IGSF21: variants seen among roughly 807,000 people sequenced by gnomAD.
IGSF21 encodes the protein immunoglobin superfamily member 21.
IGSF21 carries 28 observed loss-of-function variants against 46.8 expected under a neutral mutation model. The ratio of observed to expected loss-of-function variants is 0.60; its 90% CI spans 0.44 to 0.82. The LOEUF is 0.82. Among genes scored for constraint, IGSF21 ranks in the 40% least tolerant of loss-of-function variants. The probability of loss-of-function intolerance (pLI) is 0.00; values close to 1 mark genes in which losing one functional copy is unlikely to be tolerated. For missense variants in IGSF21, 624 were observed against 665.5 expected, an observed-to-expected ratio of 0.94 and a Z score of 0.69; for synonymous variants, 284 against 273.6, an observed-to-expected ratio of 1.04 and a Z score of -0.38.
intron 2 of IGSF21, among the ~76,000 whole-genome samples, chr1:18,273,992 G>T (rs932880001): frequency 2.0e-5 from 3 of 152,108 alleles, no homozygotes; most frequent in Non-Finnish European, 4.4e-5. Flanking sequence ...GAAATCACTC[G>T]GCCTCTCTGG....
At chr1:18,292,909 A>T (rs2085280750) in intron 3 of IGSF21, among the ~76,000 whole-genome samples, 2 of 152,266 alleles carry the variant, frequency 1.3e-5, no homozygotes, top group South Asian at 4.1e-4. Context: ...TCCACGCCAC[A>T]CCGCCAAATG....
At chr1:18,344,435 G>T (rs2085872734) in intron 4 of IGSF21, among the ~76,000 whole-genome samples, 1 of 152,178 alleles carries the variant, frequency 6.6e-6, no homozygotes, top group Non-Finnish European at 1.5e-5. Flanking sequence ...CTCCAAGTGA[G>T]CTAAGGAGAT....
At chr1:18,218,485 T>C (rs960759414) in intron 1 of IGSF21, among the ~76,000 whole-genome samples, 15 of 152,252 alleles carry the variant, frequency 9.9e-5, no homozygotes, top group Non-Finnish European at 1.8e-4. Context: ...AAGACAAGCC[T>C]CATTTCATCT....
At chr1:18,318,848 T>C (rs1569801322) in intron 3 of IGSF21, among the ~76,000 whole-genome samples, 3 of 152,202 alleles carry the variant, frequency 2.0e-5, no homozygotes, top group East Asian at 3.9e-4. Context: ...CAAACAAATC[T>C]ATACGTTTGG....
At chr1:18,218,688 A>G (rs539565920) in intron 1 of IGSF21, among the ~76,000 whole-genome samples, 8 of 152,344 alleles carry the variant, frequency 5.3e-5, no homozygotes, top group Admixed American at 2.0e-4. Context: ...AAATCACTTG[A>G]TACACACACA....
chr1:18,329,494 T>C (rs2085691560), intron 3 of IGSF21, among the ~76,000 whole-genome samples: 1 of 152,156 alleles, frequency 6.6e-6, no homozygotes. Context: ...TGATACTCCT[T>C]GAGCACCTAC....
In IGSF21 at chr1:18,238,957, G is replaced by A. The variant is rs138884064; in HGVS notation, c.183+10947G>A. Among the ~76,000 whole-genome samples the A allele has an allele frequency of 2.4e-4, 37 of 152,228 alleles. No individual in the cohort carries two copies. In the East Asian group the frequency reaches 6.2e-3, roughly 25 times the overall value. On this transcript the variant is annotated intron_variant, in intron 2 of 9. Transcript: ENST00000251296. ...ACCTTGCGGTCAACCTCCCCACCCC[G>A]CTATCTTTTCCCCAGAAGACTCAGA...
At chr1:18,374,927 C>T (rs532640218) in intron 6 of IGSF21, among the ~76,000 whole-genome samples, 2 of 152,280 alleles carry the variant, frequency 1.3e-5, no homozygotes, top group African/African-American at 2.4e-5. Flanking sequence ...CCCCTTCCTC[C>T]GGCCCTGGAA....
At chr1:18,344,297 T>C (rs2085871467) in intron 4 of IGSF21, among the ~76,000 whole-genome samples, 1 of 152,194 alleles carries the variant, frequency 6.6e-6, no homozygotes, top group South Asian at 2.1e-4. Context: ...GCCTCCCTAG[T>C]AGCTGGGACT....
intron 1 of IGSF21, chr1:18,113,640 A>G (rs1423325541): frequency 8.3e-6 from 1 of 120,818 alleles, no homozygotes; most frequent in African/African-American, 3.3e-5. Context: ...ATTGCATGAC[A>G]TCTTGGTGGG....
At chr1:18,242,716 G>A (rs2084744078) in intron 2 of IGSF21, among the ~76,000 whole-genome samples, 1 of 152,146 alleles carries the variant, frequency 6.6e-6, no homozygotes, top group African/African-American at 2.4e-5. Flanking sequence ...CTGTTCTTTG[G>A]AGACAGAGAA....
chr1:18,348,853 G>T (rs1485759059), intron 4 of IGSF21, among the ~76,000 whole-genome samples: 3 of 152,154 alleles, frequency 2.0e-5, no homozygotes, highest in Non-Finnish European at 4.4e-5. Context: ...CTGCCAACTT[G>T]CAGTGAATCC....
At chr1:18,126,827 G>A (rs929615659) in intron 1 of IGSF21, among the ~76,000 whole-genome samples, 3 of 151,790 alleles carry the variant, frequency 2.0e-5, no homozygotes, top group African/African-American at 4.8e-5. Context: ...CTCCAGAGCC[G>A]ACAGCTGCCA....
At chr1:18,338,826 G>A (rs566028170) in intron 4 of IGSF21, among the ~76,000 whole-genome samples, 115 of 151,952 alleles carry the variant, frequency 7.6e-4, no homozygotes, top group African/African-American at 2.0e-3. Context: ...TGAAAGTTGC[G>A]TGCTGGGCCC....
chr1:18,108,344 A>G, intron 1 of IGSF21, 146 bp downstream of exon 1: 1 of 824,304 alleles, frequency 1.2e-6, no homozygotes, highest in Non-Finnish European at 1.6e-6. Context: ...GGTTGGCTCG[A>G]TGAGGGAGGG....
At chr1:18,259,490 G>A (rs2084920883) in intron 2 of IGSF21, among the ~76,000 whole-genome samples, 1 of 152,168 alleles carries the variant, frequency 6.6e-6, no homozygotes, top group Admixed American at 6.5e-5. Context: ...CACTGGGTTT[G>A]GCCTCCATAA....
At chr1:18,136,383 T>C (rs1300399169) in intron 1 of IGSF21, among the ~76,000 whole-genome samples, 2 of 152,278 alleles carry the variant, frequency 1.3e-5, no homozygotes, top group South Asian at 2.1e-4. Flanking sequence ...AGGGTTTTTA[T>C]GGTTTTAGGT....
chr1:18,342,131 TC>T (rs1308269075), intron 4 of IGSF21, among the ~76,000 whole-genome samples: 1 of 151,878 alleles, frequency 6.6e-6, no homozygotes, highest in Non-Finnish European at 1.5e-5. Flanking sequence ...TCTTGCTCTG[TC>T]CCCCAGGCTG....
At chr1:18,220,052 T>C (rs970375617) in intron 1 of IGSF21, among the ~76,000 whole-genome samples, 3 of 152,208 alleles carry the variant, frequency 2.0e-5, no homozygotes, top group Non-Finnish European at 4.4e-5. Context: ...CTGAGTCTGC[T>C]GGTTCTGGCA....
Sources: allele counts gnomAD v4.1 joint callset (sites outside exome capture counted in the v4.1 genomes callset), GRCh38; gene constraint gnomAD v4.1.1; transcripts MANE v1.5; gene names NCBI Gene and HGNC (gene_info 2026-07-23, HGNC 2026-07-21).